The following IL26 variants were observed in gnomAD, a reference collection of about 807,000 sequenced individuals.
IL26 encodes interleukin 26, also known as interleukin-26.
A neutral mutation model predicts 21.7 loss-of-function variants in IL26; 23 were observed. The ratio of observed to expected loss-of-function variants is 1.06; its 90% CI spans 0.76 to 1.50. The LOEUF is 1.50. Among genes scored for constraint, IL26 ranks in the 40% most tolerant of loss-of-function variants. IL26 has a pLI of 0.00. For synonymous variants in IL26, 63 were observed against 67.8 expected, an observed-to-expected ratio of 0.93 and a Z score of 0.34; for missense variants, 204 against 196.0, an observed-to-expected ratio of 1.04 and a Z score of -0.24.
At chr12:68,212,570 T>C (rs542064225) in intron 3 of IL26, among the ~76,000 whole-genome samples, 9 of 152,112 alleles carry the variant, frequency 5.9e-5, no homozygotes, top group Non-Finnish European at 1.0e-4. Flanking sequence ...TTTCATTGTT[T>C]TATACACAAT....
chr12:68,207,602 G>A (rs1478910409), intron 3 of IL26, among the ~76,000 whole-genome samples: 5 of 152,180 alleles, frequency 3.3e-5, no homozygotes, highest in African/African-American at 9.7e-5. Context: ...CATGTGAGCA[G>A]TTTGTCTCTA....
chr12:68,219,152 G>C (rs1043505652), intron 3 of IL26, among the ~76,000 whole-genome samples: 1 of 151,918 alleles, frequency 6.6e-6, no homozygotes, highest in Non-Finnish European at 1.5e-5. Context: ...AATAAAGAGA[G>C]AGAAAAAGTA....
chr12:68,207,717 C>A (rs1009467419), intron 3 of IL26, among the ~76,000 whole-genome samples: 6 of 152,068 alleles, frequency 3.9e-5, no homozygotes, highest in African/African-American at 1.4e-4. Flanking sequence ...TTCCCAGTTG[C>A]CAGATGCTTT....
At chr12:68,213,331 C>A (rs1690112202) in intron 3 of IL26, among the ~76,000 whole-genome samples, 1 of 151,948 alleles carries the variant, frequency 6.6e-6, no homozygotes, top group Admixed American at 6.6e-5. Context: ...CATTGGCCTG[C>A]AGTTTTCTCT....
chr12:68,224,047 C>CCCG (rs1555189795), intron 3 of IL26, among the ~76,000 whole-genome samples: 1 of 151,074 alleles, frequency 6.6e-6, no homozygotes, highest in African/African-American at 2.5e-5. Flanking sequence ...ACACCCCCCC[C>CCCG]CTCTAATGGC....
At chr12:68,225,344 CG>C (rs1413293861) in intron 2 of IL26, 61 bp from the exon 3 acceptor site, 15 of 1,550,354 alleles carry the variant, frequency 9.7e-6, no homozygotes, top group African/African-American at 1.4e-5. Flanking sequence ...TAATGTCCCC[CG>C]ATCATTACTT....
chr12:68,204,300 C>T (rs1420783880), intron 3 of IL26, among the ~76,000 whole-genome samples: 4 of 151,960 alleles, frequency 2.6e-5, no homozygotes, highest in East Asian at 1.9e-4. Context: ...CCCTCCACCA[C>T]GCCCGGCTGA....
At chr12:68,204,141 ATTTT>A (rs6144754) in intron 3 of IL26, among the ~76,000 whole-genome samples, 2 of 113,188 alleles carry the variant, frequency 1.8e-5, no homozygotes, top group Admixed American at 9.9e-5. Context: ...GGATTCAAAG[ATTTT>A]TTTTTTTTTT....
chr12:68,223,439 C>T (rs3782553), intron 3 of IL26, among the ~76,000 whole-genome samples: 67,967 of 151,930 alleles, frequency 0.45, 16,124 homozygotes, highest in East Asian at 0.61. Flanking sequence ...TAGACATATC[C>T]AGGTTTCCTA....
intron 3 of IL26, among the ~76,000 whole-genome samples, chr12:68,219,638 T>G (rs1267247764): frequency 3.3e-5 from 5 of 151,700 alleles, no homozygotes; most frequent in African/African-American, 7.2e-5. Flanking sequence ...TTCAAGTTAA[T>G]GACCCAAGTT....
chr12:68,211,705 T>C (rs1868735816), intron 3 of IL26, among the ~76,000 whole-genome samples: 1 of 152,152 alleles, frequency 6.6e-6, no homozygotes, highest in Non-Finnish European at 1.5e-5. Context: ...ATTCAGATCT[T>C]TTTCCCATTT....
In IL26 at chr12:68,225,771, C is replaced by T. The variant is rs933330045; in HGVS notation, c.-15G>A. 1.9e-6 allele frequency: 3 copies of T among 1,612,748 alleles called. No homozygotes were observed. Among genetic ancestry groups the T allele is most frequent in the South Asian group, 1.1e-5 (1 of 90,808 alleles). On this transcript the variant is annotated 5_prime_UTR_variant, in exon 1 of 5. In the 5' UTR this introduces an upstream ATG that the reference lacks. Coordinates refer to ENST00000229134, the MANE Select transcript of IL26 (RefSeq NM_018402.2). Reference sequence around the variant, plus strand: ...TTCACCAGCATTTCCCTTCACCCCACTCAGCGTGTGTCACTCACAGCAGCC... The same window carrying T: ...TTCACCAGCATTTCCCTTCACCCCATTCAGCGTGTGTCACTCACAGCAGCC...
intron 3 of IL26, among the ~76,000 whole-genome samples, chr12:68,202,342 A>G (rs1199877766): frequency 6.6e-6 from 1 of 152,214 alleles, no homozygotes; most frequent in African/African-American, 2.4e-5. Context: ...TATGACAGGG[A>G]TTTATAGGAA....
At chr12:68,209,771 G>T (rs576630173) in intron 3 of IL26, among the ~76,000 whole-genome samples, 1 of 152,264 alleles carries the variant, frequency 6.6e-6, no homozygotes, top group South Asian at 2.1e-4. Flanking sequence ...TTTGAGGAAA[G>T]GAGATAGTGG....
At chr12:68,213,832 C>T (rs1868800699) in intron 3 of IL26, among the ~76,000 whole-genome samples, 1 of 151,672 alleles carries the variant, frequency 6.6e-6, no homozygotes, top group East Asian at 1.9e-4. Context: ...ATTGCACTTC[C>T]CTATTGTTTT....
chr12:68,220,708 C>A (rs1001254848), intron 3 of IL26, among the ~76,000 whole-genome samples: 4 of 152,240 alleles, frequency 2.6e-5, no homozygotes, highest in Admixed American at 6.5e-5. Context: ...GCGGTCTTGG[C>A]TCACTGCAAC....
chr12:68,204,076 A>C (rs1868460871), intron 3 of IL26, among the ~76,000 whole-genome samples: 2 of 152,004 alleles, frequency 1.3e-5, no homozygotes, highest in African/African-American at 4.8e-5. Context: ...CCTAATATTT[A>C]ATGCATAGAA....
intron 3 of IL26, among the ~76,000 whole-genome samples, chr12:68,217,058 A>T (rs574193240): frequency 3.9e-4 from 54 of 137,080 alleles, no homozygotes; most frequent in Middle Eastern, 7.8e-3. Flanking sequence ...GCTAGGAAAG[A>T]GTATAAACAT....
At chr12:68,210,058 C>T (rs1376083267) in intron 3 of IL26, among the ~76,000 whole-genome samples, 1 of 151,852 alleles carries the variant, frequency 6.6e-6, no homozygotes, top group Admixed American at 6.6e-5. Context: ...AAGATGGTTT[C>T]TACTGTGACC....
Sources: gnomAD v4.1 joint callset for allele counts (sites outside exome capture counted in the v4.1 genomes callset) on GRCh38, gnomAD v4.1.1 for gene constraint, MANE v1.5 for transcripts, NCBI Gene and HGNC (gene_info 2026-07-23, HGNC 2026-07-21) for gene names.